Variants in RALGPS1 observed in about 807,000 individuals in gnomAD.
The protein encoded by RALGPS1 is ras-specific guanine nucleotide-releasing factor RalGPS1.
A neutral mutation model predicts 78.8 loss-of-function variants in RALGPS1; 19 were observed. The observed-to-expected ratio is 0.24, with a 90% confidence interval of 0.17 to 0.35. The LOEUF is 0.35. Among genes scored for constraint, RALGPS1 ranks in the 10% least tolerant of loss-of-function variants. RALGPS1 has a pLI of 1.00. For missense variants in RALGPS1, 454 were observed against 688.3 expected (o/e 0.66, Z 3.81); for synonymous variants, 228 against 256.3 (o/e 0.89, Z 1.06).
intron 13 of RALGPS1, 99 bp downstream of exon 13, chr9:127,196,730 T>C: frequency 7.2e-7 from 1 of 1,382,232 alleles, no homozygotes; most frequent in Non-Finnish European, 9.7e-7. Flanking sequence ...CCAGTGGCGC[T>C]ATCATTCTTG....
At chr9:126,963,327 G>A (rs564858498) in intron 2 of RALGPS1, among the ~76,000 whole-genome samples, 3 of 151,810 alleles carry the variant, frequency 2.0e-5, no homozygotes, top group Non-Finnish European at 4.4e-5. Flanking sequence ...TTCTTCTCTG[G>A]TCTGTATGTG....
intron 8 of RALGPS1, among the ~76,000 whole-genome samples, chr9:127,094,536 A>ACAGGGGCC (rs2052881524): frequency 6.6e-6 from 1 of 152,258 alleles, no homozygotes; most frequent in Non-Finnish European, 1.5e-5. Flanking sequence ...TTCCACAGTC[A>ACAGGGGCC]CAGGGGCCTA....
chr9:127,156,236 G>T (rs963482230), intron 8 of RALGPS1, among the ~76,000 whole-genome samples: 2 of 152,136 alleles, frequency 1.3e-5, no homozygotes, highest in African/African-American at 2.4e-5. Context: ...AAACAATGCT[G>T]CAGTGAACAT....
At chr9:127,128,949 C>T (rs1176367909) in intron 8 of RALGPS1, among the ~76,000 whole-genome samples, 1 of 152,162 alleles carries the variant, frequency 6.6e-6, no homozygotes, top group African/African-American at 2.4e-5. Context: ...CTTTGAGAGC[C>T]TGTTGTTAGC....
At chr9:126,994,640 G>A (rs1446873960) in intron 4 of RALGPS1, among the ~76,000 whole-genome samples, 2 of 152,172 alleles carry the variant, frequency 1.3e-5, no homozygotes, top group Non-Finnish European at 2.9e-5. Flanking sequence ...CCCCAATCTA[G>A]CAAGACAGGC....
intron 7 of RALGPS1, among the ~76,000 whole-genome samples, chr9:127,066,335 G>A (rs77467014): frequency 5.7e-4 from 87 of 152,328 alleles, no homozygotes; most frequent in African/African-American, 2.0e-3. Context: ...GTGAGTGGTC[G>A]GCTTAACAAC....
intron 1 of RALGPS1, among the ~76,000 whole-genome samples, chr9:126,944,410 C>T (rs530480393): frequency 9.9e-4 from 150 of 152,270 alleles, no homozygotes; most frequent in African/African-American, 3.4e-3. Context: ...GCTCCCTACA[C>T]GCCTCCACAG....
At chr9:127,115,829 G>A (rs1221442384) in intron 8 of RALGPS1, among the ~76,000 whole-genome samples, 4 of 152,228 alleles carry the variant, frequency 2.6e-5, no homozygotes, top group Admixed American at 1.3e-4. Flanking sequence ...GGGATGAGCA[G>A]TGACACCCTC....
intron 1 of RALGPS1, among the ~76,000 whole-genome samples, chr9:126,956,315 C>T (rs907958821): frequency 1.1e-4 from 17 of 152,114 alleles, no homozygotes; most frequent in Non-Finnish European, 7.4e-5. Flanking sequence ...GGGGCTCAGC[C>T]AGGCCTCAGG....
chr9:126,992,700 G>C (rs550129914), intron 4 of RALGPS1, among the ~76,000 whole-genome samples: 4 of 152,180 alleles, frequency 2.6e-5, no homozygotes, highest in African/African-American at 7.2e-5. Context: ...ATCACCTCAT[G>C]TATGTAGGTC....
At chr9:127,071,406 T>A (rs558366374) in intron 8 of RALGPS1, among the ~76,000 whole-genome samples, 5 of 152,286 alleles carry the variant, frequency 3.3e-5, no homozygotes, top group Admixed American at 2.6e-4. Flanking sequence ...TGACATTTTT[T>A]AATTGGCAGC....
At chr9:126,999,959 G>A (rs1377865913) in intron 4 of RALGPS1, among the ~76,000 whole-genome samples, 2 of 152,138 alleles carry the variant, frequency 1.3e-5, no homozygotes, top group African/African-American at 4.8e-5. Flanking sequence ...CATTGAGCCT[G>A]TGCATTTTAT....
At chr9:127,174,318 A>G (rs940833270) in intron 10 of RALGPS1, among the ~76,000 whole-genome samples, 7 of 151,854 alleles carry the variant, frequency 4.6e-5, no homozygotes, top group African/African-American at 1.5e-4. Context: ...AGAAAGAAAA[A>G]AAAAGAAAAG....
chr9:127,027,089 G>T (rs1354372742), intron 4 of RALGPS1, among the ~76,000 whole-genome samples: 1 of 152,140 alleles, frequency 6.6e-6, no homozygotes, highest in African/African-American at 2.4e-5. Context: ...CACCTCTGTA[G>T]CCCCTTCCTG....
chr9:126,992,524 AG>A (rs2042372914), intron 4 of RALGPS1, among the ~76,000 whole-genome samples: 1 of 152,210 alleles, frequency 6.6e-6, no homozygotes, highest in African/African-American at 2.4e-5. Flanking sequence ...TATGCATTTT[AG>A]GATCAACTTG....
intron 8 of RALGPS1, among the ~76,000 whole-genome samples, chr9:127,152,527 A>T (rs1282057819): frequency 6.6e-6 from 1 of 152,220 alleles, no homozygotes; most frequent in Non-Finnish European, 1.5e-5. Context: ...TCATTGGCCC[A>T]AATTTTCTGG....
chr9:126,989,826 C>T, intron 4 of RALGPS1: 2 of 1,531,988 alleles, frequency 1.3e-6, no homozygotes, highest in South Asian at 1.2e-5. Context: ...CTTCCTGCAT[C>T]AGGCTGGAGC....
chr9:126,942,739 T>G (rs1187856638), intron 1 of RALGPS1, among the ~76,000 whole-genome samples: 3 of 152,240 alleles, frequency 2.0e-5, no homozygotes, highest in Non-Finnish European at 4.4e-5. Flanking sequence ...CCCTTAGGAT[T>G]TGGAGTGAAC....
chr9:126,970,616 A>AGTGT (rs56406500), intron 3 of RALGPS1, among the ~76,000 whole-genome samples: 4 of 150,998 alleles, frequency 2.6e-5, no homozygotes, highest in Admixed American at 1.3e-4. Context: ...ATGATCTAAG[A>AGTGT]GTGTGTGTGT....
Sources: allele counts gnomAD v4.1 joint callset (sites outside exome capture counted in the v4.1 genomes callset), GRCh38; gene constraint gnomAD v4.1.1; transcripts MANE v1.5; gene names NCBI Gene and HGNC (gene_info 2026-07-23, HGNC 2026-07-21).